Variants in CELF2 observed in about 807,000 individuals in gnomAD.
CELF2 encodes the protein CUG triplet repeat RNA-binding protein 2.
Under a neutral mutation model 62.6 loss-of-function variants are expected in CELF2, and 8 were observed. That is an observed-to-expected ratio of 0.13 (90% CI 0.07 to 0.23). The LOEUF is 0.23. CELF2 is among the 10% of genes least tolerant of loss of function. The pLI, the probability that CELF2 is intolerant of heterozygous loss-of-function variation, is 1.00. For missense variants in CELF2, 333 were observed against 671.0 expected, an observed-to-expected ratio of 0.50 and a Z score of 5.56; for synonymous variants, 258 against 250.0, an observed-to-expected ratio of 1.03 and a Z score of -0.30.
At chr10:10,834,524 C>A (rs1164023671) in intron 1 of CELF2, among the ~76,000 whole-genome samples, 1 of 152,152 alleles carries the variant, frequency 6.6e-6, no homozygotes, top group Non-Finnish European at 1.5e-5. Flanking sequence ...CAGACCAGAC[C>A]ATGTGTATTC....
At position 11,321,233 on chromosome 10, in the gene CELF2, G is replaced by A. The variant is rs777031083; in HGVS notation, c.1141G>A (p.Gly381Ser). Residue 381 changes from glycine (G) to serine (S), a missense_variant, in exon 11 of 13, where the codon GGC becomes AGC. Gly to Ser is a moderately conservative substitution (Grantham distance 56). Transcript: ENST00000633077. The surrounding 1 kb of genome is among the most constrained non-coding windows in gnomAD (Gnocchi z 6.2). ...SGMAALNGGL[G>S]ATGLTNGTAG... is the part of the protein sequence containing the mutation. ...TATGGCGGCTCTGAATGGAGGACTT[G>A]GCGCCACAGGCTTGACGAATGGCAC... is the stretch of plus-strand genomic sequence containing the variant. 1 of 1,614,146 alleles carries A rather than the reference G, an allele frequency of 6.2e-7. No individual in the cohort carries two copies.
intron 2 of CELF2, among the ~76,000 whole-genome samples, chr10:11,186,728 G>A (rs1292143462): frequency 6.6e-6 from 1 of 152,098 alleles, no homozygotes; most frequent in Non-Finnish European, 1.5e-5. Context: ...GAGCATTTTG[G>A]ATCAGGAAAG....
chr10:11,319,475 A>T lies in CELF2; in HGVS notation c.1097-1714A>T, dbSNP rs1389758217. Reference sequence around the variant, plus strand: ...TGGTGTCCGAGGGATCATTTAGGGTAATTAGGACAGTCTGCATCCAAGCTC... The same window carrying T: ...TGGTGTCCGAGGGATCATTTAGGGTTATTAGGACAGTCTGCATCCAAGCTC... On this transcript the variant is annotated intron_variant, in intron 10 of 12. Coordinates refer to ENST00000633077, the MANE Select transcript of CELF2 (RefSeq NM_001326342.2). The surrounding 1 kb of genome is among the most constrained non-coding windows in gnomAD (Gnocchi z 4.4). 6.6e-6 allele frequency among the ~76,000 whole-genome samples: 1 copy of T among 152,172 alleles called. No homozygotes were observed. The highest frequency in any genetic ancestry group is 6.5e-5 in the Admixed American group (1 of 15,288).
chr10:10,641,641 G>T, the CELF2 span, among the ~76,000 whole-genome samples: 22 of 152,012 alleles, frequency 1.4e-4, no homozygotes, highest in Non-Finnish European at 2.1e-4. Context: ...AGGTTTCAAG[G>T]TTTCACCATG....
At chr10:11,201,580 G>T (rs1454093878) in intron 2 of CELF2, among the ~76,000 whole-genome samples, 1 of 152,198 alleles carries the variant, frequency 6.6e-6, no homozygotes, top group Non-Finnish European at 1.5e-5. Flanking sequence ...CGTGGCAAGG[G>T]GCAAATGTGG....
intron 1 of CELF2, among the ~76,000 whole-genome samples, chr10:10,899,749 C>G (rs561919368): frequency 3.3e-5 from 5 of 152,086 alleles, no homozygotes; most frequent in African/African-American, 1.2e-4. Context: ...CGGAAAGTGA[C>G]GGGGAAGCTA....
chr10:10,850,154 T>TA (rs569327847), intron 1 of CELF2, among the ~76,000 whole-genome samples: 204 of 151,582 alleles, frequency 1.3e-3, no homozygotes, highest in African/African-American at 4.7e-3. Context: ...ATCTCAAAAA[T>TA]AAAAAAATTA....
intron 2 of CELF2, among the ~76,000 whole-genome samples, chr10:11,168,583 T>C (rs534303996): frequency 6.6e-6 from 1 of 152,232 alleles, no homozygotes; most frequent in Non-Finnish European, 1.5e-5. Flanking sequence ...AGGGCTGATA[T>C]CAGAGCCTCA....
chr10:11,055,050 T>G (rs112623948), intron 1 of CELF2, among the ~76,000 whole-genome samples: 3 of 152,366 alleles, frequency 2.0e-5, no homozygotes, highest in African/African-American at 4.8e-5. Context: ...TTTGAGCTGT[T>G]GTAGATTTTG....
chr10:10,649,156 A>C, the CELF2 span, among the ~76,000 whole-genome samples: 1 of 152,232 alleles, frequency 6.6e-6, no homozygotes, highest in Non-Finnish European at 1.5e-5. Context: ...CGATTCTCAT[A>C]GATAACCCAG....
At chr10:11,210,422 C>T (rs897019629) in intron 2 of CELF2, among the ~76,000 whole-genome samples, 17 of 152,148 alleles carry the variant, frequency 1.1e-4, no homozygotes, top group Non-Finnish European at 1.8e-4. Context: ...AGCTCCGAAA[C>T]GGAAATACTT....
rs2066433316 is a variant in CELF2 at position 10,934,565 on chromosome 10, A to G, written c.89+14566A>G. On this transcript the variant is annotated intron_variant, in intron 2 of 13. Coordinates refer to the CELF2 transcript ENST00000636488. This position sits in a 1 kb window ranked among gnomAD's most constrained non-coding sequence, Gnocchi z 4.4. ...AATATTATTTGCTTAAACTCAGGCA[A>G]TGAAGGAGGGAGCGAGCAGTCCACA... 1.3e-5 allele frequency: 2 copies of G among 152,240 alleles called. No homozygotes were observed. Among genetic ancestry groups the G allele is most frequent in the South Asian group, 2.1e-4 (1 of 4,830 alleles). The allele number at this position is 152,240 out of a possible 1,614,324, so 9.4% of individuals were successfully genotyped here.
At chr10:10,813,366 G>C (rs2056127150) in intron 1 of CELF2, among the ~76,000 whole-genome samples, 1 of 152,192 alleles carries the variant, frequency 6.6e-6, no homozygotes, top group African/African-American at 2.4e-5. Flanking sequence ...TTTTGTGCTA[G>C]TTTTTCATTC....
intron 9 of CELF2, among the ~76,000 whole-genome samples, chr10:11,299,321 C>T (rs947544469): frequency 6.6e-5 from 10 of 152,254 alleles, no homozygotes; most frequent in Admixed American, 5.9e-4. Context: ...GGCGCCCCAG[C>T]GAGCCTGCAG....
the CELF2 span, among the ~76,000 whole-genome samples, chr10:10,715,106 A>G: frequency 6.6e-6 from 1 of 152,228 alleles, no homozygotes; most frequent in Non-Finnish European, 1.5e-5. Context: ...AAAATAAAGC[A>G]TCTCTGAAAT....
intron 1 of CELF2, among the ~76,000 whole-genome samples, chr10:11,057,981 A>G (rs2065725105): frequency 6.6e-6 from 1 of 151,726 alleles, no homozygotes; most frequent in African/African-American, 2.4e-5. Flanking sequence ...TTTTTAGTCT[A>G]GCTTTTAGAT....
chr10:11,291,401 A>T (rs1304200005), intron 9 of CELF2, among the ~76,000 whole-genome samples: 17 of 150,718 alleles, frequency 1.1e-4, no homozygotes, highest in Admixed American at 9.2e-4. Flanking sequence ...AATTTTTGTT[A>T]AAAAAAAATC....
intron 1 of CELF2, among the ~76,000 whole-genome samples, chr10:10,844,810 C>T (rs996577307): frequency 1.3e-5 from 2 of 152,038 alleles, no homozygotes; most frequent in East Asian, 3.8e-4. Context: ...GGGAAAGGAA[C>T]AGAAAATTTG....
rs142796099 is a variant in CELF2, at chr10:11,193,832, C to T, written c.272-23593C>T. 1.8e-3 allele frequency among the ~76,000 whole-genome samples: 275 copies of T among 152,228 alleles called. 1 individual carries two copies. The highest frequency in any genetic ancestry group is 6.2e-3 in the African/African-American group (258 of 41,528). On this transcript the variant is annotated intron_variant, in intron 2 of 12. Coordinates refer to ENST00000633077, the MANE Select transcript of CELF2 (RefSeq NM_001326342.2). ...GAAATTCAAAAAAGTGCCCATATGACGCTTCATGTTTATAGATTTATGAAG... is the reference window on the plus strand; with the variant it reads ...GAAATTCAAAAAAGTGCCCATATGATGCTTCATGTTTATAGATTTATGAAG...
Sources: allele counts gnomAD v4.1 joint callset (sites outside exome capture counted in the v4.1 genomes callset), GRCh38; gene constraint gnomAD v4.1.1; non-coding constraint Gnocchi (gnomAD v3.1); transcripts MANE v1.5; gene names NCBI Gene and HGNC (gene_info 2026-07-23, HGNC 2026-07-21).